Variants in FOXP1 observed in about 807,000 individuals in gnomAD.
The protein encoded by FOXP1 is forkhead box P1.
A neutral mutation model predicts 98.2 loss-of-function variants in FOXP1; 15 were observed. That is an observed-to-expected ratio of 0.15 (90% CI 0.10 to 0.24). The LOEUF (loss-of-function observed/expected upper bound fraction) is 0.24. Ranked by LOEUF, FOXP1 falls within the 10% of genes least tolerant of loss-of-function variation. The pLI, the probability that FOXP1 is intolerant of heterozygous loss-of-function variation, is 1.00. For synonymous variants in FOXP1, 371 were observed against 314.5 expected, an observed-to-expected ratio of 1.18 and a Z score of -1.90; for missense variants, 633 against 848.5, an observed-to-expected ratio of 0.75 and a Z score of 3.15.
chr3:71,427,348 G>A (rs963758317), intron 3 of FOXP1, among the ~76,000 whole-genome samples: 38 of 152,202 alleles, frequency 2.5e-4, no homozygotes, highest in Admixed American at 1.2e-3. Context: ...AGGGACACAC[G>A]CGCAGGAGAG....
intron 2 of FOXP1, among the ~76,000 whole-genome samples, chr3:71,558,828 A>G (rs2046336888): frequency 2.4e-5 from 3 of 122,724 alleles, no homozygotes; most frequent in South Asian, 2.6e-4. Context: ...TTTGAGGCAG[A>G]GTCTCGCTCT....
chr3:71,226,495 C>A (rs1410755057), intron 5 of FOXP1, among the ~76,000 whole-genome samples: 1 of 152,062 alleles, frequency 6.6e-6, no homozygotes, highest in Non-Finnish European at 1.5e-5. Flanking sequence ...GAGCCTCTTC[C>A]AGGCACAAGT....
At chr3:71,244,391 T>C (rs1031778327) in intron 5 of FOXP1, among the ~76,000 whole-genome samples, 1 of 148,260 alleles carries the variant, frequency 6.7e-6, no homozygotes, top group African/African-American at 2.5e-5. Context: ...AACTTGGCCC[T>C]CCCCCCGAAG....
intron 3 of FOXP1, among the ~76,000 whole-genome samples, chr3:71,397,561 A>G (rs967552685): frequency 6.6e-6 from 1 of 152,250 alleles, no homozygotes; most frequent in Admixed American, 6.5e-5. Context: ...ACTGGGAAAT[A>G]AATGTTAAAC....
chr3:71,120,114 A>G (rs910862981), intron 6 of FOXP1, among the ~76,000 whole-genome samples: 1 of 152,250 alleles, frequency 6.6e-6, no homozygotes, highest in Non-Finnish European at 1.5e-5. Context: ...AATAGAAAAC[A>G]AAACACATTC....
intron 2 of FOXP1, among the ~76,000 whole-genome samples, chr3:71,516,119 C>A (rs1046743900): frequency 2.0e-5 from 3 of 152,194 alleles, no homozygotes; most frequent in African/African-American, 7.2e-5. Flanking sequence ...CTGACAACAT[C>A]GTGCCACAGT....
chr3:70,988,557 C>T (rs2040122144), intron 13 of FOXP1, among the ~76,000 whole-genome samples: 1 of 152,202 alleles, frequency 6.6e-6, no homozygotes, highest in Non-Finnish European at 1.5e-5. Context: ...TATTAGCAGG[C>T]CAGGAGCAGG....
At chr3:71,254,061 G>A (rs1274847837) in intron 5 of FOXP1, among the ~76,000 whole-genome samples, 1 of 152,156 alleles carries the variant, frequency 6.6e-6, no homozygotes, top group East Asian at 1.9e-4. Flanking sequence ...TTTTCTAGGG[G>A]TGAACAGTTA....
rs1313253012 is a variant in FOXP1 at position 71,575,391 on chromosome 3, A to AC, written c.-298+6157dup. Among the ~76,000 whole-genome samples, 6 of 152,294 alleles carry AC rather than the reference A, an allele frequency of 3.9e-5. No homozygotes were observed. The East Asian group carries it at 1.2e-3, about 29-fold the overall frequency. Reference sequence around the variant, plus strand: ...GGGAAGTTTGTTATAAATGTACGTTACCATGTCAATCAGCAAAAATTCTGA... The same window carrying AC: ...GGGAAGTTTGTTATAAATGTACGTTACCCATGTCAATCAGCAAAAATTCTGA... On this transcript the variant is annotated intron_variant, in intron 2 of 20. Transcript: ENST00000649528.
chr3:71,269,532 A>G (rs1373149289), intron 5 of FOXP1, among the ~76,000 whole-genome samples: 1 of 152,152 alleles, frequency 6.6e-6, no homozygotes, highest in African/African-American at 2.4e-5. Context: ...TAAGTCCCTC[A>G]CTATAAACAT....
chr3:71,451,937 A>C (rs2086995225), intron 3 of FOXP1, among the ~76,000 whole-genome samples: 1 of 152,202 alleles, frequency 6.6e-6, no homozygotes, highest in African/African-American at 2.4e-5. Context: ...TGGGCTAGTA[A>C]TTCTACAGGT....
intron 7 of FOXP1, among the ~76,000 whole-genome samples, chr3:71,111,490 C>A (rs767905760): frequency 6.6e-6 from 1 of 152,146 alleles, no homozygotes; most frequent in African/African-American, 2.4e-5. Context: ...CTCCACCTCC[C>A]GGGTTCAAGC....
At chr3:71,444,697 T>C (rs1341824198) in intron 3 of FOXP1, among the ~76,000 whole-genome samples, 3 of 152,174 alleles carry the variant, frequency 2.0e-5, no homozygotes, top group Non-Finnish European at 4.4e-5. Flanking sequence ...ACCTTCATAA[T>C]TGTATTATTA....
At chr3:71,151,090 T>G (rs1215317351) in intron 6 of FOXP1, among the ~76,000 whole-genome samples, 1 of 152,192 alleles carries the variant, frequency 6.6e-6, no homozygotes, top group Non-Finnish European at 1.5e-5. Flanking sequence ...TGCAAATTCC[T>G]TCTTAGCCCC....
intron 5 of FOXP1, among the ~76,000 whole-genome samples, chr3:71,293,976 G>T (rs972055849): frequency 1.3e-5 from 2 of 152,284 alleles, no homozygotes; most frequent in East Asian, 3.9e-4. Flanking sequence ...TAAATGCCTA[G>T]ATGAACCTTG....
chr3:71,568,045 A>C (rs1578212543), intron 2 of FOXP1: 2 of 71,836 alleles, frequency 2.8e-5, no homozygotes, highest in South Asian at 6.7e-4. Flanking sequence ...AGGGGAGGGG[A>C]GGGGAGGGGA....
At chr3:71,164,679 C>A (rs190055307) in intron 6 of FOXP1, among the ~76,000 whole-genome samples, 2 of 152,304 alleles carry the variant, frequency 1.3e-5, no homozygotes, top group Non-Finnish European at 2.9e-5. Flanking sequence ...AATCTTGTAG[C>A]TAATCTCTTC....
chr3:71,491,419 G>A (rs1012731594), intron 3 of FOXP1, among the ~76,000 whole-genome samples: 4 of 152,160 alleles, frequency 2.6e-5, no homozygotes, highest in Non-Finnish European at 2.9e-5. Flanking sequence ...AGGAGTTCAC[G>A]GGTGAGAGAA....
In FOXP1 at chr3:71,043,013, C is replaced by T. The variant is rs986167400; in HGVS notation, c.665-1481G>A. 2.6e-5 allele frequency among the ~76,000 whole-genome samples: 4 copies of T among 152,190 alleles called. No individual in the cohort carries two copies. The South Asian group carries it at 8.3e-4, about 32-fold the overall frequency. On this transcript the variant is annotated intron_variant, in intron 10 of 20. Coordinates refer to ENST00000649528, the MANE Select transcript of FOXP1 (RefSeq NM_001349338.3). ...GGATTTTTTTATATTCACCGTGGAT[C>T]GTTTGCATATCAAAGAGGAGTAAAT...
Sources: gnomAD v4.1 joint callset for allele counts (sites outside exome capture counted in the v4.1 genomes callset) on GRCh38, gnomAD v4.1.1 for gene constraint, MANE v1.5 for transcripts, NCBI Gene and HGNC (gene_info 2026-07-23, HGNC 2026-07-21) for gene names.